Variants in ADAM22 observed in about 807,000 individuals in gnomAD.
ADAM22 encodes ADAM metallopeptidase domain 22, also known as disintegrin and metalloproteinase domain-containing protein 22.
In ADAM22, 65 loss-of-function variants were observed where a neutral mutation model predicts 144.6. That is an observed-to-expected ratio of 0.45 (90% CI 0.37 to 0.55). The LOEUF is 0.55. ADAM22 is among the 20% of genes least tolerant of loss of function. The pLI is 0.00. For missense variants in ADAM22, 974 were observed against 1,184.9 expected, an observed-to-expected ratio of 0.82 and a Z score of 2.61; for synonymous variants, 391 against 412.6, an observed-to-expected ratio of 0.95 and a Z score of 0.63.
rs1013723165 is a variant in ADAM22 at position 88,196,758 on chromosome 7, T to C, written c.*267T>C. 3 of 482,422 alleles carry C rather than the reference T, an allele frequency of 6.2e-6. No homozygotes were observed. The highest frequency in any genetic ancestry group is 1.1e-5 in the Non-Finnish European group (3 of 266,274). 29.9% of individuals were successfully genotyped at this position (482,422 alleles called of 1,614,324 possible). A position where few individuals can be genotyped will look rare whatever the true frequency, so the allele number is the denominator to read the frequency against. The stretch of plus-strand genomic sequence containing the variant: ...AAGGTACTGGTATGTTAATGGATAA[T>C]CCGCATGACAGATAATATGTAGAAA... On this transcript the variant is annotated 3_prime_UTR_variant, in exon 32 of 32. Transcript: ENST00000413139.
chr7:88,106,246 C>T (rs1212731791), intron 4 of ADAM22, among the ~76,000 whole-genome samples: 2 of 152,110 alleles, frequency 1.3e-5, no homozygotes, highest in African/African-American at 2.4e-5. Context: ...AACCGCAACC[C>T]TCAGTTCATG....
chr7:88,097,669 C>T (rs1194059910), intron 4 of ADAM22, among the ~76,000 whole-genome samples: 1 of 145,686 alleles, frequency 6.9e-6, no homozygotes, highest in Non-Finnish European at 1.5e-5. Context: ...TCAGATATGA[C>T]AAAAGAAAAT....
At chr7:87,963,381 A>G (rs1848393885) in intron 2 of ADAM22, among the ~76,000 whole-genome samples, 1 of 152,298 alleles carries the variant, frequency 6.6e-6, no homozygotes, top group South Asian at 2.1e-4. Context: ...GATAAATTAA[A>G]TAAAAAGTGA....
chr7:88,120,241 A>G (rs1311287271), intron 7 of ADAM22, among the ~76,000 whole-genome samples: 5 of 151,876 alleles, frequency 3.3e-5, no homozygotes, highest in Non-Finnish European at 5.9e-5. Context: ...GGTTTGTTAC[A>G]TATGTATACA....
intron 20 of ADAM22, 151 bp downstream of exon 20, chr7:88,151,471 A>G: frequency 1.1e-6 from 1 of 873,178 alleles, no homozygotes; most frequent in Non-Finnish European, 1.8e-6. Context: ...GTTTCTGGAA[A>G]TTAGAGTAAG....
chr7:88,064,705 T>C (rs1048144867), intron 3 of ADAM22, among the ~76,000 whole-genome samples: 1 of 152,144 alleles, frequency 6.6e-6, no homozygotes, highest in Non-Finnish European at 1.5e-5. Context: ...CTAAAGATTT[T>C]ATAAAGGCAC....
chr7:88,000,145 A>C (rs1057503905), intron 3 of ADAM22, among the ~76,000 whole-genome samples: 4 of 152,188 alleles, frequency 2.6e-5, no homozygotes, highest in African/African-American at 9.7e-5. Context: ...TATTCTTTAG[A>C]TATCTAGTTT....
At chr7:88,144,473 T>A (rs1325048103) in intron 15 of ADAM22, among the ~76,000 whole-genome samples, 3 of 152,162 alleles carry the variant, frequency 2.0e-5, no homozygotes, top group African/African-American at 7.2e-5. Context: ...GCTGCAAAAC[T>A]ATCTTAATAG....
chr7:88,018,442 T>C (rs1396755032), intron 3 of ADAM22, among the ~76,000 whole-genome samples: 4 of 152,220 alleles, frequency 2.6e-5, no homozygotes, highest in East Asian at 1.9e-4. Context: ...AGATTTTTTT[T>C]CCCCCATTAC....
chr7:88,125,747 G>A, intron 8 of ADAM22, 88 bp downstream of exon 8: 3 of 1,094,320 alleles, frequency 2.7e-6, no homozygotes, highest in Non-Finnish European at 3.9e-6. Flanking sequence ...GTGTGAGAGG[G>A]TGAGTATTAG....
chr7:88,125,047 C>T (rs576161799), intron 7 of ADAM22, among the ~76,000 whole-genome samples: 35 of 152,008 alleles, frequency 2.3e-4, no homozygotes, highest in South Asian at 6.2e-4. Flanking sequence ...TGAATCTATA[C>T]GCATAAACAG....
chr7:87,980,583 T>A (rs971090895), intron 3 of ADAM22, among the ~76,000 whole-genome samples: 1 of 152,074 alleles, frequency 6.6e-6, no homozygotes, highest in Non-Finnish European at 1.5e-5. Context: ...AGCTTCTGGT[T>A]GCAGAATGGA....
chr7:88,190,877 TTTCCCCTGCTAAAACCTTCCTGCTGGGC>T (rs1849465382), intron 30 of ADAM22, among the ~76,000 whole-genome samples: 1 of 152,122 alleles, frequency 6.6e-6, no homozygotes, highest in Non-Finnish European at 1.5e-5. Flanking sequence ...TCCAGGACCC[TTTCCCCTGCTAAAACCTTCCTGCTGGGC>T]TTCTCTTCCC....
At chr7:88,143,731 T>C (rs979878622) in intron 15 of ADAM22, among the ~76,000 whole-genome samples, 1 of 152,240 alleles carries the variant, frequency 6.6e-6, no homozygotes, top group Non-Finnish European at 1.5e-5. Flanking sequence ...GCTTTGTCCT[T>C]GCGAATTATG....
chr7:88,174,529 G>A (rs1182010455), intron 26 of ADAM22, among the ~76,000 whole-genome samples: 1 of 152,040 alleles, frequency 6.6e-6, no homozygotes, highest in Non-Finnish European at 1.5e-5. Context: ...TTATATTATA[G>A]CACAATTGCT....
chr7:87,987,471 G>A (rs987635281), intron 3 of ADAM22, among the ~76,000 whole-genome samples: 1 of 152,058 alleles, frequency 6.6e-6, no homozygotes, highest in Non-Finnish European at 1.5e-5. Flanking sequence ...GAGCCACCAC[G>A]CCTGGCCCCA....
chr7:88,132,798 C>A, intron 11 of ADAM22, 69 bp from the exon 12 acceptor site: 1 of 1,237,560 alleles, frequency 8.1e-7, no homozygotes, highest in Non-Finnish European at 1.2e-6. Context: ...ATGTAGTAAA[C>A]TAATAATGAG....
rs778573689 is a variant in ADAM22, at chr7:88,131,468, T to C, written c.992+33T>C. The C allele has an allele frequency of 2.5e-6, 4 of 1,601,492 alleles. No homozygotes were observed. The South Asian group carries it at 4.4e-5, about 18-fold the overall frequency. On this transcript the variant is annotated intron_variant, in intron 11 of 31. Transcript: ENST00000413139. ...ACTTCTGTAATGATGTATTACTTTT[T>C]TTGATTCCATGTTAAATGCTTTATT...
At chr7:88,143,322 GA>G (rs1258200262) in intron 15 of ADAM22, among the ~76,000 whole-genome samples, 197 bp downstream of exon 15, 27 of 152,350 alleles carry the variant, frequency 1.8e-4, no homozygotes, top group African/African-American at 5.0e-4. Flanking sequence ...GATGGGAATA[GA>G]AAGCAGGTAG....
Sources: gnomAD v4.1 joint callset for allele counts (sites outside exome capture counted in the v4.1 genomes callset) on GRCh38, gnomAD v4.1.1 for gene constraint, MANE v1.5 for transcripts, NCBI Gene and HGNC (gene_info 2026-07-23, HGNC 2026-07-21) for gene names.